The following ZNF469 variants were observed in gnomAD, a reference collection of about 807,000 sequenced individuals.
ZNF469 encodes zinc finger protein 469.
A neutral mutation model predicts 1.0 loss-of-function variants in ZNF469; 1 was observed. The ratio of observed to expected loss-of-function variants is 1.00; its 90% CI spans 0.35 to 4.73. ZNF469 has a LOEUF of 4.73. ZNF469 is among the 30% of genes most tolerant of loss of function. The pLI, the probability that ZNF469 is intolerant of heterozygous loss-of-function variation, is 0.16. For synonymous variants in ZNF469, 2,703 were observed against 2,363.4 expected, an observed-to-expected ratio of 1.14 and a Z score of -4.17; for missense variants, 6,100 against 5,356.3, an observed-to-expected ratio of 1.14 and a Z score of -4.33.
the ZNF469 span, among the ~76,000 whole-genome samples, chr16:88,238,851 T>C: frequency 5.3e-5 from 8 of 152,372 alleles, no homozygotes; most frequent in South Asian, 1.4e-3. Context: ...TGTAGTGGAA[T>C]CACTGCATAC....
the ZNF469 span, among the ~76,000 whole-genome samples, chr16:88,147,938 G>A: frequency 2.0e-5 from 3 of 152,082 alleles, no homozygotes; most frequent in African/African-American, 7.3e-5. Flanking sequence ...TTCCTTCGTC[G>A]TTGTGTGTAC....
the ZNF469 span, among the ~76,000 whole-genome samples, chr16:88,371,951 T>TCACCAC: frequency 1.1e-4 from 13 of 121,562 alleles, no homozygotes; most frequent in South Asian, 8.6e-4. Flanking sequence ...ATCATCACCA[T>TCACCAC]CACCACCATC....
the ZNF469 span, among the ~76,000 whole-genome samples, chr16:88,227,676 C>T: frequency 6.6e-6 from 1 of 151,250 alleles, no homozygotes; most frequent in Non-Finnish European, 1.5e-5. Flanking sequence ...TGCGTATTTT[C>T]CATATGTTCA....
At chr16:88,239,270 G>A in the ZNF469 span, among the ~76,000 whole-genome samples, 5 of 152,088 alleles carry the variant, frequency 3.3e-5, no homozygotes, top group South Asian at 1.0e-3. Flanking sequence ...AGATCAGCTG[G>A]GAAAAAATTG....
At chr16:88,123,143 GAGACTACCCA>G in the ZNF469 span, among the ~76,000 whole-genome samples, 1 of 152,116 alleles carries the variant, frequency 6.6e-6, no homozygotes, top group African/African-American at 2.4e-5. Flanking sequence ...GCACCATCCC[GAGACTACCCA>G]TCACCTGGAA....
At chr16:88,122,742 A>G in the ZNF469 span, among the ~76,000 whole-genome samples, 1 of 152,202 alleles carries the variant, frequency 6.6e-6, no homozygotes, top group South Asian at 2.1e-4. Context: ...ATGTGTGTGT[A>G]CATAAATATA....
At chr16:88,193,378 G>A in the ZNF469 span, among the ~76,000 whole-genome samples, 1 of 152,094 alleles carries the variant, frequency 6.6e-6, no homozygotes, top group Non-Finnish European at 1.5e-5. Context: ...AGTTGTCTTA[G>A]TCCATCTGGG....
chr16:88,350,665 A>G, the ZNF469 span, among the ~76,000 whole-genome samples: 1 of 152,172 alleles, frequency 6.6e-6, no homozygotes, highest in Non-Finnish European at 1.5e-5. Context: ...GAGATGGGAG[A>G]AGATCCCAGG....
chr16:88,230,759 A>G, the ZNF469 span, among the ~76,000 whole-genome samples: 2 of 152,150 alleles, frequency 1.3e-5, no homozygotes, highest in African/African-American at 2.4e-5. Flanking sequence ...CATGGAACGT[A>G]CCAAGGAGTG....
the ZNF469 span, among the ~76,000 whole-genome samples, chr16:88,283,700 G>C: frequency 6.6e-6 from 1 of 152,206 alleles, no homozygotes; most frequent in Non-Finnish European, 1.5e-5. Flanking sequence ...CTTAGGGCTG[G>C]CCACTTTCCG....
the ZNF469 span, among the ~76,000 whole-genome samples, chr16:88,185,915 C>G: frequency 6.6e-6 from 1 of 152,188 alleles, no homozygotes; most frequent in East Asian, 1.9e-4. Flanking sequence ...CAGACACACA[C>G]ATTCACACTC....
chr16:88,184,731 C>T, the ZNF469 span, among the ~76,000 whole-genome samples: 2 of 152,106 alleles, frequency 1.3e-5, no homozygotes, highest in African/African-American at 4.8e-5. Flanking sequence ...GCTGTTGCTC[C>T]AGCGTGTTGG....
the ZNF469 span, among the ~76,000 whole-genome samples, chr16:88,294,244 C>G: frequency 6.6e-6 from 1 of 152,212 alleles, no homozygotes; most frequent in Non-Finnish European, 1.5e-5. Flanking sequence ...CTGTGCAGAA[C>G]CAGTGTGCCG....
the ZNF469 span, among the ~76,000 whole-genome samples, chr16:88,262,179 T>TG: frequency 6.6e-6 from 1 of 152,142 alleles, no homozygotes; most frequent in African/African-American, 2.4e-5. This position sits in a 1 kb window ranked among gnomAD's most constrained non-coding sequence, Gnocchi z 4.3. Context: ...TTCTTGGGAT[T>TG]GGGGGAATCT....
the ZNF469 span, among the ~76,000 whole-genome samples, chr16:88,158,799 G>T: frequency 9.9e-5 from 15 of 152,220 alleles, no homozygotes; most frequent in Non-Finnish European, 2.1e-4. Flanking sequence ...CAGGACTGGG[G>T]TCTGGGGGGC....
chr16:88,260,795 A>T, the ZNF469 span, among the ~76,000 whole-genome samples: 2 of 152,206 alleles, frequency 1.3e-5, no homozygotes, highest in African/African-American at 4.8e-5. This position sits in a 1 kb window ranked among gnomAD's most constrained non-coding sequence, Gnocchi z 4.1. Context: ...ATGTGATTGA[A>T]CTGAGGATCT....
the ZNF469 span, among the ~76,000 whole-genome samples, chr16:88,221,395 C>A: frequency 6.6e-6 from 1 of 152,324 alleles, no homozygotes; most frequent in East Asian, 1.9e-4. Flanking sequence ...CACACTTCCT[C>A]TCTGCTCCAA....
Position 88,429,578 on chromosome 16 carries a change from A to T in ZNF469, c.2108A>T (p.Gln703Leu). Residue 703 changes from glutamine to leucine, a missense_variant, in exon 3 of 3, where the codon CAG becomes CTG. By Grantham distance (113) the Gln-to-Leu change is moderately radical. Transcript: ENST00000565624. ...CCCGAGGTGGGTCGGGGAGGGCTGC[A>T]GGGCTTCCCCCGTGCGCCGCCTCCG... ...EGPEVGRGGL[Q>L]GFPRAPPPYP... 1 of 1,549,926 alleles carries T rather than the reference A, an allele frequency of 6.5e-7. No individual in the cohort carries two copies. The highest frequency in any genetic ancestry group is 1.4e-5 in the African/African-American group (1 of 73,164).
rs1242361980 is a variant in ZNF469 at position 88,433,656 on chromosome 16, T to C, written c.6186T>C (p.Asn2062=). Residue 2062 remains asparagine (N), a synonymous_variant, in exon 3 of 3, where the codon AAT becomes AAC. Transcript: ENST00000565624. ...AEPTPSPPSP[N]RESLALALTA... is the part of the protein sequence containing the mutation. ...CCACCCCAAGCCCCCCGTCCCCTAA[T>C]AGGGAGTCCCTGGCGCTGGCCTTGA... is the stretch of plus-strand genomic sequence containing the variant. 2.6e-6 allele frequency: 4 copies of C among 1,549,872 alleles called. No individual in the cohort carries two copies. Among genetic ancestry groups the C allele is most frequent in the South Asian group, 1.2e-5 (1 of 84,060 alleles).
Sources: gnomAD v4.1 joint callset for allele counts (sites outside exome capture counted in the v4.1 genomes callset) on GRCh38, gnomAD v4.1.1 for gene constraint, Gnocchi (gnomAD v3.1) non-coding constraint, MANE v1.5 for transcripts, NCBI Gene and HGNC (gene_info 2026-07-23, HGNC 2026-07-21) for gene names.